FIZ1: variants seen among roughly 807,000 people sequenced by gnomAD.
The protein encoded by FIZ1 is FLT3 interacting zinc finger 1.
FIZ1 carries 2 observed loss-of-function variants against 5.3 expected under a neutral mutation model. The ratio of observed to expected loss-of-function variants is 0.37; its 90% CI spans 0.15 to 1.18. The LOEUF (loss-of-function observed/expected upper bound fraction) is 1.18. FIZ1 is among the 50% of genes most tolerant of loss of function. The pLI, the probability that FIZ1 is intolerant of heterozygous loss-of-function variation, is 0.37. For missense variants in FIZ1, 631 were observed against 749.7 expected, an observed-to-expected ratio of 0.84 and a Z score of 1.85; for synonymous variants, 407 against 364.2, an observed-to-expected ratio of 1.12 and a Z score of -1.34.
intron 2 of FIZ1, among the ~76,000 whole-genome samples, chr19:55,596,988 T>C (rs988000426): frequency 2.6e-5 from 4 of 152,188 alleles, no homozygotes; most frequent in African/African-American, 9.7e-5. Context: ...TTTTGTTTCT[T>C]AAAATTTCCC....
chr19:55,595,525 C>T (rs1359363436), intron 2 of FIZ1: 1 of 152,230 alleles, frequency 6.6e-6, no homozygotes, highest in African/African-American at 2.4e-5. Flanking sequence ...GCCTATGGCT[C>T]ATAGCACACT....
At position 55,593,209 on chromosome 19, in the gene FIZ1, C is replaced by T. The variant is rs1980129719; in HGVS notation, c.732G>A (p.Glu244=). 1.6e-6 allele frequency: 2 copies of T among 1,218,144 alleles called. No individual in the cohort carries two copies. Among genetic ancestry groups the T allele is most frequent in the African/African-American group, 1.6e-5 (1 of 61,304 alleles). The allele number at this position is 1,218,144 out of a possible 1,614,324, so 75.5% of individuals were successfully genotyped here. A position where few individuals can be genotyped will look rare whatever the true frequency, so the allele number is the denominator to read the frequency against. ...ERDFNAPALL[E]RHKLTHDLQG... ...GCAGGTCGTGCGTCAGCTTGTGCCG[C>T]TCCAGCAGCGCGGGCGCGTTGAAGT... The change falls in exon 3 of 3, where the codon GAG becomes GAA. Residue 244 remains glutamate, a synonymous_variant. Transcript: ENST00000221665. The surrounding 1 kb of genome is among the most constrained non-coding windows in gnomAD (Gnocchi z 6.3).
chr19:55,596,932 A>C (rs1005405827), intron 2 of FIZ1, among the ~76,000 whole-genome samples: 2 of 152,098 alleles, frequency 1.3e-5, no homozygotes, highest in South Asian at 2.1e-4. Flanking sequence ...CGGCCTCCCA[A>C]AGTGCTGGGA....
chr19:55,592,588 G>A lies in FIZ1; in HGVS notation c.1353C>T (p.Phe451=), dbSNP rs1489173021. The part of the protein sequence containing the change: ...PFPCLECGKF[F]RHECYLKRHR... ...GGCGCTTGAGGTAGCACTCGTGGCG[G>A]AAGAACTTGCCGCACTCCAGGCACG... Residue 451 remains phenylalanine (F), a synonymous_variant, in exon 3 of 3, where the codon TTC becomes TTT. Transcript: ENST00000221665. This position sits in a 1 kb window ranked among gnomAD's most constrained non-coding sequence, Gnocchi z 6.9. The A allele has an allele frequency of 6.2e-7, 1 of 1,613,338 alleles. No individual in the cohort carries two copies. Among genetic ancestry groups the A allele is most frequent in the South Asian group, 1.1e-5 (1 of 91,026 alleles).
chr19:55,596,321 G>C (rs1449732672), intron 2 of FIZ1, among the ~76,000 whole-genome samples: 1 of 152,036 alleles, frequency 6.6e-6, no homozygotes, highest in African/African-American at 2.4e-5. Context: ...AGATGCATGG[G>C]GACAGAGAGG....
rs149341884 is a variant in FIZ1 at position 55,592,713 on chromosome 19, C to T, written c.1228G>A (p.Gly410Ser). Residue 410 changes from glycine (G) to serine (S), a missense_variant, in exon 3 of 3, where the codon GGC becomes AGC. By Grantham distance (56) the Gly-to-Ser change is moderately conservative. Transcript: ENST00000221665. The surrounding 1 kb of genome is among the most constrained non-coding windows in gnomAD (Gnocchi z 6.9). ...SGEPPSGSGR[G>S]KKIFGCSECE... ...TCGGAGCAGCCGAAGATCTTCTTGC[C>T]GCGGCCGGAGCCAGACGGGGGTTCC... The T allele has an allele frequency of 7.4e-6, 12 of 1,612,532 alleles. No individual in the cohort carries two copies. Among genetic ancestry groups the T allele is most frequent in the African/African-American group, 1.3e-5 (1 of 74,902 alleles).
chr19:55,592,403 C>T lies in FIZ1; in HGVS notation c.*47G>A, dbSNP rs1038795202. 1.3e-6 allele frequency: 2 copies of T among 1,486,244 alleles called. No individual in the cohort carries two copies. Among genetic ancestry groups the T allele is most frequent in the Non-Finnish European group, 1.8e-6 (2 of 1,111,124 alleles). 92.1% of individuals were successfully genotyped at this position (1,486,244 alleles called of 1,614,324 possible). A position where few individuals can be genotyped will look rare whatever the true frequency, so the allele number is the denominator to read the frequency against. On this transcript the variant is annotated 3_prime_UTR_variant, in exon 3 of 3. Coordinates refer to ENST00000221665, the MANE Select transcript of FIZ1 (RefSeq NM_032836.3). This position sits in a 1 kb window ranked among gnomAD's most constrained non-coding sequence, Gnocchi z 6.9. ...AGTCCCGAGGTCCCCTGGTCCAGGC[C>T]GAGTCCAGGAGGCTGGGTGGAGGGC...
intron 2 of FIZ1, among the ~76,000 whole-genome samples, chr19:55,596,697 G>A (rs1400495788): frequency 6.6e-6 from 1 of 152,146 alleles, no homozygotes; most frequent in Non-Finnish European, 1.5e-5. Context: ...TTTGGAGACT[G>A]AGTCTCGCTC....
chr19:55,593,097 C>A lies in FIZ1; in HGVS notation c.844G>T (p.Ala282Ser). 5.3e-6 allele frequency: 7 copies of A among 1,321,304 alleles called. No homozygotes were observed. The highest frequency in any genetic ancestry group is 6.7e-6 in the Non-Finnish European group (7 of 1,039,770). 81.8% of individuals were successfully genotyped at this position (1,321,304 alleles called of 1,614,324 possible). Residue 282 changes from alanine to serine, a missense_variant, in exon 3 of 3, where the codon GCG becomes TCG. Around this residue, in one of 4 missense-constraint regions of FIZ1, gnomAD observed 463 missense variants for 455.1 expected, o/e 1.02. Transcript: ENST00000221665. This position sits in a 1 kb window ranked among gnomAD's most constrained non-coding sequence, Gnocchi z 6.3. ...ETAGEGTAAEAGDAPLASDRR... is the reference protein window; with the variant it reads ...ETAGEGTAAESGDAPLASDRR... ...TCCGAAGCCAGAGGAGCGTCGCCCGCCTCCGCAGCGGTGCCTTCGCCCGCC... is the reference window on the plus strand; with the variant it reads ...TCCGAAGCCAGAGGAGCGTCGCCCGACTCCGCAGCGGTGCCTTCGCCCGCC...
chr19:55,594,417 C>G (rs1020497181), intron 2 of FIZ1, among the ~76,000 whole-genome samples: 2 of 107,214 alleles, frequency 1.9e-5, no homozygotes, highest in African/African-American at 3.5e-5. Flanking sequence ...AAAAAAAAAG[C>G]CCGGGTGCGG....
chr19:55,598,104 C>G (rs1015364158), intron 1 of FIZ1: 1 of 624,008 alleles, frequency 1.6e-6, no homozygotes, highest in Non-Finnish European at 2.7e-6. Flanking sequence ...GCAAAATCTT[C>G]CTAATCACTT....
chr19:55,592,514 C>A lies in FIZ1; in HGVS notation c.1427G>T (p.Gly476Val). 1 of 1,602,156 alleles carries A rather than the reference C, an allele frequency of 6.2e-7. No homozygotes were observed. Among genetic ancestry groups the A allele is most frequent in the Non-Finnish European group, 8.5e-7 (1 of 1,174,798 alleles). ...TERPFPCHIC[G>V]KGFITLSNLS... ...GTTGCTGAGCGTGATGAAGCCCTTG[C>A]CGCAGATGTGGCAAGGGAAGGGCCG... The change falls in exon 3 of 3, where the codon GGC becomes GTC. Residue 476 changes from glycine to valine, a missense_variant. By Grantham distance (109) the Gly-to-Val change is moderately radical. Transcript: ENST00000221665. The surrounding 1 kb of genome is among the most constrained non-coding windows in gnomAD (Gnocchi z 6.9).
chr19:55,596,123 G>T (rs1180855302), intron 2 of FIZ1, among the ~76,000 whole-genome samples: 1 of 152,150 alleles, frequency 6.6e-6, no homozygotes, highest in Non-Finnish European at 1.5e-5. Flanking sequence ...CCCCTCAGGG[G>T]ACTGTCAATT....
Position 55,592,161 on chromosome 19 carries a change from G to A in FIZ1, c.*289C>T. 1 of 455,162 alleles carries A rather than the reference G, an allele frequency of 2.2e-6. No individual in the cohort carries two copies. Among genetic ancestry groups the A allele is most frequent in the Non-Finnish European group, 3.9e-6 (1 of 257,308 alleles). The allele number at this position is 455,162 out of a possible 1,614,324, so 28.2% of individuals were successfully genotyped here. On this transcript the variant is annotated 3_prime_UTR_variant, in exon 3 of 3. Transcript: ENST00000221665. This position sits in a 1 kb window ranked among gnomAD's most constrained non-coding sequence, Gnocchi z 6.9. ...CACTGCAAAGTCCCCATGTCTTGGG[G>A]ACTTACGGCTACCCACACTCATTCC...
In FIZ1 at chr19:55,592,213, C is replaced by T. The variant is rs565494481; in HGVS notation, c.*237G>A. 2 of 545,542 alleles carry T rather than the reference C, an allele frequency of 3.7e-6. No homozygotes were observed. Among genetic ancestry groups the T allele is most frequent in the African/African-American group, 3.9e-5 (2 of 51,712 alleles). 33.8% of individuals were successfully genotyped at this position (545,542 alleles called of 1,614,324 possible). On this transcript the variant is annotated 3_prime_UTR_variant, in exon 3 of 3. Transcript: ENST00000221665. This position sits in a 1 kb window ranked among gnomAD's most constrained non-coding sequence, Gnocchi z 6.9. ...GGGACCTCAGGCTCAGGAGTCTCTC[C>T]CTAGATTTGGGCTCCCCTGCCCCAG...
intron 2 of FIZ1, among the ~76,000 whole-genome samples, chr19:55,594,535 A>C (rs556303217): frequency 3.0e-4 from 45 of 151,804 alleles, no homozygotes; most frequent in African/African-American, 1.0e-3. Flanking sequence ...GTCTCTACTA[A>C]AAATTCAAAA....
Position 55,593,561 on chromosome 19 carries a change from T to G in FIZ1, c.380A>C (p.Lys127Thr). 1 of 1,551,124 alleles carries G rather than the reference T, an allele frequency of 6.4e-7. No individual in the cohort carries two copies. Among genetic ancestry groups the G allele is most frequent in the Middle Eastern group, 1.8e-4 (1 of 5,684 alleles). Residue 127 changes from lysine to threonine, a missense_variant, in exon 3 of 3, where the codon AAG becomes ACG. Physicochemically the swap from Lys to Thr is moderately conservative, Grantham distance 78. This residue lies in a region of FIZ1 where 68 missense variants were observed against 163.4 expected (regional missense o/e 0.42). Coordinates refer to ENST00000221665, the MANE Select transcript of FIZ1 (RefSeq NM_032836.3). The surrounding 1 kb of genome is among the most constrained non-coding windows in gnomAD (Gnocchi z 6.3). ...SSRSSLGRHL[K>T]RQHRGVLPSP... Reference sequence around the variant, plus strand: ...GGGGAGAACCCCACGGTGCTGGCGCTTGAGGTGGCGGCCCAGGCTGGAGCG... The same window carrying G: ...GGGGAGAACCCCACGGTGCTGGCGCGTGAGGTGGCGGCCCAGGCTGGAGCG...
chr19:55,593,605 G>A lies in FIZ1; in HGVS notation c.336C>T (p.Cys112=), dbSNP rs1311074841. 2.6e-6 allele frequency: 4 copies of A among 1,551,416 alleles called. No homozygotes were observed. Among genetic ancestry groups the A allele is most frequent in the Non-Finnish European group, 3.5e-6 (4 of 1,146,976 alleles). Residue 112 remains cysteine, a synonymous_variant, in exon 3 of 3, where the codon TGC becomes TGT. Coordinates refer to ENST00000221665, the MANE Select transcript of FIZ1 (RefSeq NM_032836.3). This position sits in a 1 kb window ranked among gnomAD's most constrained non-coding sequence, Gnocchi z 6.3. The part of the protein sequence containing the change: ...TGEKPYCCLV[C]ELRFSSRSSL... Reference sequence around the variant, plus strand: ...TGGAGCGTGAGGAGAAGCGGAGCTCGCAGACCAGGCAGCAGTAGGGTTTCT... The same window carrying A: ...TGGAGCGTGAGGAGAAGCGGAGCTCACAGACCAGGCAGCAGTAGGGTTTCT...
chr19:55,597,486 C>T (rs1430474364), intron 2 of FIZ1, 86 bp downstream of exon 2: 4 of 1,482,180 alleles, frequency 2.7e-6, no homozygotes, highest in South Asian at 1.3e-5. Context: ...GGGCCAGCTT[C>T]CTTTTGCCCA....
Sources: allele counts gnomAD v4.1 joint callset (sites outside exome capture counted in the v4.1 genomes callset), GRCh38; gene constraint gnomAD v4.1.1; regional missense constraint gnomAD v4.1.1; non-coding constraint Gnocchi (gnomAD v3.1); transcripts MANE v1.5; gene names NCBI Gene and HGNC (gene_info 2026-07-23, HGNC 2026-07-21).